The following SORBS2 variants were observed in gnomAD, a reference collection of about 807,000 sequenced individuals.
SORBS2 encodes sorbin and SH3 domain containing 2.
A neutral mutation model predicts 97.7 loss-of-function variants in SORBS2; 46 were observed. The observed-to-expected ratio is 0.47, with a 90% CI of 0.37 to 0.60. The LOEUF (loss-of-function observed/expected upper bound fraction) is 0.60. Among genes scored for constraint, SORBS2 ranks in the 20% least tolerant of loss-of-function variants. The pLI is 0.00. For missense variants in SORBS2, 1,316 were observed against 1,282.3 expected, an observed-to-expected ratio of 1.03 and a Z score of -0.40; for synonymous variants, 476 against 473.4, an observed-to-expected ratio of 1.01 and a Z score of -0.07.
upstream of SORBS2, among the ~76,000 whole-genome samples, chr4:185,661,070 T>A (rs1431788522): frequency 6.6e-6 from 1 of 151,676 alleles, no homozygotes; most frequent in African/African-American, 2.4e-5. Context: ...AGGTCAGGAG[T>A]TCGAGACCAA....
chr4:185,754,639 C>T (rs1312846402), intron 2 of SORBS2, among the ~76,000 whole-genome samples: 1 of 152,178 alleles, frequency 6.6e-6, no homozygotes. Flanking sequence ...CCACATCTTC[C>T]AAATCCTAGT....
intron 2 of SORBS2, among the ~76,000 whole-genome samples, chr4:185,698,122 C>T (rs1368418621): frequency 6.6e-6 from 1 of 152,158 alleles, no homozygotes; most frequent in African/African-American, 2.4e-5. Context: ...TAGTTCATCT[C>T]TCCTGACTCC....
intron 1 of SORBS2, among the ~76,000 whole-genome samples, chr4:185,818,438 C>G (rs2099194649): frequency 6.6e-6 from 1 of 152,232 alleles, no homozygotes; most frequent in African/African-American, 2.4e-5. Flanking sequence ...ATCCACCTGC[C>G]TTGCCCTCCC....
chr4:185,817,171 A>C (rs1332223350), intron 1 of SORBS2, among the ~76,000 whole-genome samples: 3 of 152,116 alleles, frequency 2.0e-5, no homozygotes, highest in African/African-American at 4.8e-5. Flanking sequence ...AATATGTGTC[A>C]GTACCAGGTG....
chr4:185,857,440 TG>T (rs1475519461), intron 1 of SORBS2, among the ~76,000 whole-genome samples: 1 of 152,048 alleles, frequency 6.6e-6, no homozygotes. Flanking sequence ...ACAAATTGTT[TG>T]TAAAACATGT....
intron 2 of SORBS2, among the ~76,000 whole-genome samples, chr4:185,687,283 C>T (rs993452581): frequency 2.0e-4 from 31 of 152,142 alleles, no homozygotes; most frequent in Non-Finnish European, 4.4e-4. Flanking sequence ...CTGGCTCAGC[C>T]TCCCAAAATG....
At chr4:185,594,053 A>G in intron 12 of SORBS2, 118 bp from the exon 25 acceptor site, 2 of 697,218 alleles carry the variant, frequency 2.9e-6, no homozygotes, top group South Asian at 1.8e-5. Flanking sequence ...TAAAAAACCA[A>G]GAGGAAGAAA....
chr4:185,940,556 A>C (rs2099271469), intron 1 of SORBS2, among the ~76,000 whole-genome samples: 1 of 152,090 alleles, frequency 6.6e-6, no homozygotes, highest in African/African-American at 2.4e-5. Context: ...CTCTGGCTTA[A>C]TATCCTCTAA....
chr4:185,830,314 G>T (rs1579104984), intron 1 of SORBS2, among the ~76,000 whole-genome samples: 1 of 152,202 alleles, frequency 6.6e-6, no homozygotes, highest in Non-Finnish European at 1.5e-5. Context: ...TTTTCCCAAT[G>T]AATGGATTTG....
chr4:185,947,711 A>G (rs2099275208), intron 1 of SORBS2, among the ~76,000 whole-genome samples: 1 of 152,164 alleles, frequency 6.6e-6, no homozygotes, highest in African/African-American at 2.4e-5. Flanking sequence ...CCTGGGCTCA[A>G]GTGATTCTCC....
Position 185,757,212 on chromosome 4 carries a change from C to A in SORBS2, c.-198+18015G>T, listed in dbSNP as rs186095064. 3.9e-4 allele frequency: 126 copies of A among 325,168 alleles called. 2 individuals carry two copies. Among genetic ancestry groups the A allele is most frequent in the Admixed American group, 1.7e-3 (42 of 24,078 alleles). The allele number at this position is 325,168 out of a possible 1,614,324, so 20.1% of individuals were successfully genotyped here. ...TGGATCTCAGTGGCTTTTATTCTGA[C>A]ATAAGATATTTAGATGTTGCAAGCC... On this transcript the variant is annotated intron_variant, in intron 2 of 20. Coordinates refer to the SORBS2 transcript ENST00000284776.
chr4:185,619,486 A>AT (rs1162641102), intron 8 of SORBS2, among the ~76,000 whole-genome samples: 3 of 152,176 alleles, frequency 2.0e-5, no homozygotes, highest in East Asian at 1.9e-4. Flanking sequence ...TTTAGTTTCC[A>AT]TCCAGCCGTC....
At chr4:185,779,212 T>A (rs2099015337) in intron 1 of SORBS2, among the ~76,000 whole-genome samples, 1 of 152,084 alleles carries the variant, frequency 6.6e-6, no homozygotes, top group African/African-American at 2.4e-5. Flanking sequence ...GGAGTCAGGG[T>A]GCCTGGGTTC....
chr4:185,809,148 A>G (rs2099168677), intron 1 of SORBS2, among the ~76,000 whole-genome samples: 1 of 152,162 alleles, frequency 6.6e-6, no homozygotes, highest in South Asian at 2.1e-4. Context: ...GGTCAAGTCT[A>G]TATTTACAGT....
chr4:185,855,193 T>A (rs568539540), intron 1 of SORBS2, among the ~76,000 whole-genome samples: 21 of 152,306 alleles, frequency 1.4e-4, no homozygotes, highest in South Asian at 8.3e-4. Flanking sequence ...GAGCTATTGC[T>A]GTTTTCAGGT....
chr4:185,771,793 C>T (rs968171517), intron 2 of SORBS2: 1 of 152,162 alleles, frequency 6.6e-6, no homozygotes, highest in Non-Finnish European at 1.5e-5. Context: ...AAATTCTTCA[C>T]ATGAGTTTAG....
At chr4:185,695,505 G>GTT (rs70962586) in intron 2 of SORBS2, among the ~76,000 whole-genome samples, 65,444 of 150,048 alleles carry the variant, frequency 0.44, 15,927 homozygotes, top group South Asian at 0.56. Flanking sequence ...CAGGATGTTA[G>GTT]TTTTTTTTTT....
upstream of SORBS2, chr4:185,657,221 A>G (rs1003938141): frequency 4.4e-6 from 2 of 449,956 alleles, no homozygotes; most frequent in African/African-American, 2.0e-5. Context: ...TTTCATTCAA[A>G]TGGAAAAACA....
intron 1 of SORBS2, among the ~76,000 whole-genome samples, chr4:185,654,687 C>A (rs2097367246): frequency 6.6e-6 from 1 of 152,216 alleles, no homozygotes; most frequent in Non-Finnish European, 1.5e-5. Context: ...TAAATGCCAT[C>A]ATGGAGATCG....
Sources: gnomAD v4.1 joint callset for allele counts (sites outside exome capture counted in the v4.1 genomes callset) on GRCh38, gnomAD v4.1.1 for gene constraint, MANE v1.5 for transcripts, NCBI Gene and HGNC (gene_info 2026-07-23, HGNC 2026-07-21) for gene names.